C2orf49: variants seen among roughly 807,000 people sequenced by gnomAD.
The protein encoded by C2orf49 is tRNA-splicing ligase complex subunit ASW.
A neutral mutation model predicts 20.6 loss-of-function variants in C2orf49; 11 were observed. The ratio of observed to expected loss-of-function variants is 0.53; its 90% CI spans 0.34 to 0.88. The LOEUF (loss-of-function observed/expected upper bound fraction) is 0.88. Ranked by LOEUF, C2orf49 falls within the 40% of genes least tolerant of loss-of-function variation. The pLI, the probability that C2orf49 is intolerant of heterozygous loss-of-function variation, is 0.02. For synonymous variants in C2orf49, 134 were observed against 108.5 expected (o/e 1.24, Z -1.46); for missense variants, 289 against 274.2 (o/e 1.05, Z -0.38).
At chr2:105,364,016 G>A in the C2orf49 span, among the ~76,000 whole-genome samples, 1 of 152,164 alleles carries the variant, frequency 6.6e-6, no homozygotes, top group African/African-American at 2.4e-5. Flanking sequence ...CAGGACTTTG[G>A]GAGGCCGAGG....
At chr2:105,370,217 A>C in the C2orf49 span, among the ~76,000 whole-genome samples, 22,722 of 150,976 alleles carry the variant, frequency 0.15, 2,125 homozygotes, top group East Asian at 0.3. Context: ...TACCCCCCCA[A>C]AAAAAAAATT....
chr2:105,384,441 C>T, the C2orf49 span, among the ~76,000 whole-genome samples: 22,946 of 152,058 alleles, frequency 0.15, 2,138 homozygotes, highest in Non-Finnish European at 0.21. Context: ...AGTACGAGTG[C>T]GAGTGCAAGG....
the C2orf49 span, among the ~76,000 whole-genome samples, chr2:105,367,136 CT>C: frequency 2.0e-5 from 3 of 152,192 alleles, no homozygotes; most frequent in Non-Finnish European, 4.4e-5. Flanking sequence ...TTCTCCTTTA[CT>C]TTTCTTCTCA....
At chr2:105,377,283 G>T in the C2orf49 span, among the ~76,000 whole-genome samples, 1 of 152,178 alleles carries the variant, frequency 6.6e-6, no homozygotes, top group Non-Finnish European at 1.5e-5. Flanking sequence ...CTTAACAGTG[G>T]TTAAGAAGGT....
the C2orf49 span, chr2:105,359,733 T>C: frequency 6.6e-6 from 1 of 152,222 alleles, no homozygotes; most frequent in South Asian, 2.1e-4. Context: ...CCTGCTTTAC[T>C]GCCCTTTTCA....
the C2orf49 span, among the ~76,000 whole-genome samples, chr2:105,355,858 C>T: frequency 2.0e-5 from 3 of 149,580 alleles, no homozygotes; most frequent in African/African-American, 2.5e-5. Context: ...GCACAGGTGG[C>T]AGGTTTTTCT....
chr2:105,382,941 A>G, the C2orf49 span, among the ~76,000 whole-genome samples: 1 of 152,222 alleles, frequency 6.6e-6, no homozygotes, highest in South Asian at 2.1e-4. Flanking sequence ...GCTGGAGTAC[A>G]GTGGCGCAAT....
the C2orf49 span, chr2:105,363,033 A>G: frequency 4.2e-6 from 2 of 470,742 alleles, no homozygotes; most frequent in South Asian, 3.2e-5. Context: ...AATCCAACCC[A>G]AAGCAGAAAC....
the C2orf49 span, among the ~76,000 whole-genome samples, chr2:105,380,319 T>C: frequency 6.6e-6 from 1 of 152,214 alleles, no homozygotes; most frequent in African/African-American, 2.4e-5. Flanking sequence ...TATCACACTC[T>C]GAATCTTTAC....
the C2orf49 span, among the ~76,000 whole-genome samples, chr2:105,368,558 CTT>C: frequency 5.3e-5 from 8 of 152,148 alleles, no homozygotes; most frequent in Non-Finnish European, 1.2e-4. Context: ...CATCCATTGT[CTT>C]TTGAATAACT....
At chr2:105,342,728 A>T (rs1183913659) in intron 2 of C2orf49, 120 bp from the exon 3 acceptor site, 8 of 909,604 alleles carry the variant, frequency 8.8e-6, no homozygotes, top group Non-Finnish European at 1.3e-5. Context: ...CATTTTTAAT[A>T]GTCTCAGATT....
In C2orf49 at chr2:105,343,043, G is replaced by A. The variant is rs1365024565; in HGVS notation, c.462G>A (p.Leu154=). 1.1e-5 allele frequency: 17 copies of A among 1,613,996 alleles called. No homozygotes were observed. The highest frequency in any genetic ancestry group is 1.4e-5 in the Non-Finnish European group (16 of 1,180,034). Residue 154 remains leucine (L), a synonymous_variant, in exon 3 of 4, where the codon TTG becomes TTA. Coordinates refer to ENST00000258457, the MANE Select transcript of C2orf49 (RefSeq NM_024093.3). ...NSSSSVSPLI[L]SSNLPVNNKT... ...CTTCGAGTGTTTCACCCCTAATTTT[G>A]TCTTCCAATTTGCCTGTGAACAATA... is the stretch of plus-strand genomic sequence containing the variant.
chr2:105,338,474 C>CA (rs1470495062), intron 1 of C2orf49, among the ~76,000 whole-genome samples: 1 of 152,186 alleles, frequency 6.6e-6, no homozygotes, highest in African/African-American at 2.4e-5. Flanking sequence ...TGCTAAAACA[C>CA]AGATTGTTGG....
chr2:105,370,550 TTG>T, the C2orf49 span, among the ~76,000 whole-genome samples: 1 of 152,094 alleles, frequency 6.6e-6, no homozygotes. Context: ...AGTTTCCTGA[TTG>T]GTCATCAGGA....
At chr2:105,357,270 T>C in the C2orf49 span, among the ~76,000 whole-genome samples, 46 of 152,356 alleles carry the variant, frequency 3.0e-4, no homozygotes, top group African/African-American at 1.1e-3. Flanking sequence ...TTTTTCAGAT[T>C]GTATAATTTC....
At chr2:105,361,528 T>A in the C2orf49 span, 2 of 1,159,236 alleles carry the variant, frequency 1.7e-6, no homozygotes, top group East Asian at 4.8e-5. Flanking sequence ...ATTTCAAAGT[T>A]TGGATTGTGT....
At chr2:105,355,803 TG>T in the C2orf49 span, among the ~76,000 whole-genome samples, 1 of 151,978 alleles carries the variant, frequency 6.6e-6, no homozygotes, top group Admixed American at 6.6e-5. Flanking sequence ...TGTGTGTGTG[TG>T]TGTGTGTGTG....
At chr2:105,344,421 T>G (rs536370704) in intron 3 of C2orf49, among the ~76,000 whole-genome samples, 1 of 152,016 alleles carries the variant, frequency 6.6e-6, no homozygotes, top group African/African-American at 2.4e-5. Flanking sequence ...CCTACAAAAT[T>G]TTACTGTTTT....
chr2:105,353,527 T>C (rs965412640), downstream of C2orf49, among the ~76,000 whole-genome samples: 1 of 152,144 alleles, frequency 6.6e-6, no homozygotes, highest in African/African-American at 2.4e-5. Context: ...CATCTTCATC[T>C]CTGTGTAAGA....
Sources: gnomAD v4.1 joint callset for allele counts (sites outside exome capture counted in the v4.1 genomes callset) on GRCh38, gnomAD v4.1.1 for gene constraint, MANE v1.5 for transcripts, NCBI Gene and HGNC (gene_info 2026-07-23, HGNC 2026-07-21) for gene names.